MYO18B: variants seen among roughly 807,000 people sequenced by gnomAD.
MYO18B encodes the protein myosin XVIIIB, also known as unconventional myosin-XVIIIb.
A neutral mutation model predicts 273.0 loss-of-function variants in MYO18B; 204 were observed. That is an observed-to-expected ratio of 0.75 (90% CI 0.67 to 0.84). The LOEUF (loss-of-function observed/expected upper bound fraction) is 0.84, where lower values mean the gene tolerates loss of function less well. MYO18B is among the 40% of genes least tolerant of loss of function. The probability of loss-of-function intolerance (pLI) is 0.00; values close to 1 mark genes in which losing one functional copy is unlikely to be tolerated. For synonymous variants in MYO18B, 1,330 were observed against 1,305.7 expected, an observed-to-expected ratio of 1.02 and a Z score of -0.40; for missense variants, 3,212 against 3,287.6, an observed-to-expected ratio of 0.98 and a Z score of 0.56.
chr22:25,905,067 T>C (rs1017410256), intron 31 of MYO18B, among the ~76,000 whole-genome samples: 1 of 151,288 alleles, frequency 6.6e-6, no homozygotes, highest in Non-Finnish European at 1.5e-5. Context: ...AAAAAAATGC[T>C]GAGGCCACCG....
At chr22:25,987,605 A>G (rs998735927) in intron 39 of MYO18B, among the ~76,000 whole-genome samples, 1 of 152,142 alleles carries the variant, frequency 6.6e-6, no homozygotes, top group African/African-American at 2.4e-5. Context: ...CCAAACATGT[A>G]TTGAGTACCT....
chr22:25,845,539 C>G (rs2090215277), intron 18 of MYO18B, among the ~76,000 whole-genome samples: 1 of 152,080 alleles, frequency 6.6e-6, no homozygotes, highest in African/African-American at 2.4e-5. Flanking sequence ...ACAACAACAA[C>G]AAAAACGAAA....
intron 39 of MYO18B, among the ~76,000 whole-genome samples, chr22:25,975,010 C>A (rs554340950): frequency 6.6e-6 from 1 of 152,136 alleles, no homozygotes; most frequent in Non-Finnish European, 1.5e-5. Flanking sequence ...GGAATCAATG[C>A]CTGGCTTCCA....
intron 15 of MYO18B, among the ~76,000 whole-genome samples, chr22:25,832,389 T>G (rs910742603): frequency 6.6e-6 from 1 of 151,952 alleles, no homozygotes; most frequent in African/African-American, 2.4e-5. Flanking sequence ...ACAAGCAAAA[T>G]GAGATACGCA....
At chr22:25,983,194 C>A (rs983352951) in intron 39 of MYO18B, 3 of 152,026 alleles carry the variant, frequency 2.0e-5, no homozygotes, top group Non-Finnish European at 2.9e-5. Context: ...CATAGTGAGA[C>A]CCCATCTCTA....
chr22:25,922,769 G>A (rs1277129580), intron 34 of MYO18B, among the ~76,000 whole-genome samples: 1 of 152,146 alleles, frequency 6.6e-6, no homozygotes, highest in Non-Finnish European at 1.5e-5. Flanking sequence ...GCAGACTATA[G>A]CGCCAAGGGT....
At position 25,950,550 on chromosome 22, in the gene MYO18B, G is replaced by GTGTGTGTA. The variant is rs539614518; in HGVS notation, c.5832+101_5832+102insGTGTGTAT. 52 of 740,622 alleles carry GTGTGTGTA rather than the reference G, an allele frequency of 7.0e-5. No homozygotes were observed. In the African/African-American group the frequency reaches 7.5e-4, roughly 11 times the overall value. 45.9% of individuals were successfully genotyped at this position (740,622 alleles called of 1,614,324 possible). On this transcript the variant is annotated intron_variant, in intron 37 of 43. Coordinates refer to ENST00000335473, the MANE Select transcript of MYO18B (RefSeq NM_032608.7). ...TGTGTGTGTGTGTGTGTGTGTGTGT[G>GTGTGTGTA]TATGAGTTTATTGTTTGTTTATTTG...
intron 39 of MYO18B, among the ~76,000 whole-genome samples, chr22:25,969,966 TATC>T (rs1380115761): frequency 3.3e-5 from 5 of 151,886 alleles, no homozygotes; most frequent in African/African-American, 2.4e-5. Flanking sequence ...ATCATTGCCA[TATC>T]ATCTTCTTCA....
At chr22:25,969,541 G>A (rs1327301708) in intron 39 of MYO18B, among the ~76,000 whole-genome samples, 3 of 152,152 alleles carry the variant, frequency 2.0e-5, no homozygotes, top group Non-Finnish European at 4.4e-5. Flanking sequence ...CAGCAGAGAG[G>A]AGTATTTGTG....
At chr22:25,827,405 G>A (rs2089534160) in intron 14 of MYO18B, among the ~76,000 whole-genome samples, 2 of 152,310 alleles carry the variant, frequency 1.3e-5, no homozygotes, top group South Asian at 4.1e-4. Context: ...TGCCTCTGAT[G>A]TGTGTCTGCG....
At position 25,955,451 on chromosome 22, in the gene MYO18B, A is replaced by G. The variant is rs923378428; in HGVS notation, c.6156+87A>G. 2.9e-5 allele frequency: 41 copies of G among 1,407,888 alleles called. No homozygotes were observed. In the African/African-American group the frequency reaches 5.4e-4, roughly 19 times the overall value. 87.2% of individuals were successfully genotyped at this position (1,407,888 alleles called of 1,614,324 possible). The stretch of plus-strand genomic sequence containing the variant: ...CTTTCTTAAGACTTCTGAATGGGAG[A>G]CTCATAGGTTTGGGTCCTGGGCCTC... On this transcript the variant is annotated intron_variant, in intron 39 of 43. Transcript: ENST00000335473.
At chr22:25,837,392 G>A (rs2089938377) in intron 17 of MYO18B, among the ~76,000 whole-genome samples, 1 of 152,228 alleles carries the variant, frequency 6.6e-6, no homozygotes, top group African/African-American at 2.4e-5. Context: ...CTCCCTGGAA[G>A]CCACAGGAGG....
In MYO18B at chr22:25,947,740, T is replaced by A. The variant is rs1237240417; in HGVS notation, c.5660T>A (p.Phe1887Tyr). ...GATGAGCAGCTGTACAGGCTGCAGT[T>A]TGAGAAGGCGGACCTCCTGAAGCGC... ...LVDEQLYRLQ[F>Y]EKADLLKRID... Residue 1887 changes from phenylalanine (F) to tyrosine (Y), a missense_variant, in exon 36 of 44, where the codon TTT becomes TAT. Transcript: ENST00000335473. The A allele has an allele frequency of 1.2e-6, 2 of 1,613,550 alleles. No individual in the cohort carries two copies. Among genetic ancestry groups the A allele is most frequent in the African/African-American group, 2.7e-5 (2 of 74,886 alleles).
chr22:25,799,514 C>T (rs17625580), intron 12 of MYO18B, among the ~76,000 whole-genome samples: 10,230 of 152,134 alleles, frequency 0.067, 484 homozygotes, highest in Non-Finnish European at 0.1. Flanking sequence ...TCCTTTGGGC[C>T]CAGAGCATAG....
At chr22:25,753,773 G>T (rs893491337) in intron 1 of MYO18B, among the ~76,000 whole-genome samples, 18 of 152,118 alleles carry the variant, frequency 1.2e-4, no homozygotes, top group African/African-American at 4.1e-4. Context: ...CAGTGAGACC[G>T]CGAACCCATG....
chr22:25,955,454 C>T (rs986713728), intron 39 of MYO18B, 90 bp downstream of exon 39: 3 of 1,395,342 alleles, frequency 2.2e-6, no homozygotes, highest in Non-Finnish European at 2.9e-6. Flanking sequence ...ATGGGAGACT[C>T]ATAGGTTTGG....
rs115613269 is a variant in MYO18B, at chr22:26,014,673, C to T, written c.6470+9818C>T. Among the ~76,000 whole-genome samples, 1,141 of 152,272 alleles carry T rather than the reference C, an allele frequency of 7.5e-3. 21 individuals carry two copies. Among genetic ancestry groups the T allele is most frequent in the African/African-American group, 0.026 (1,090 of 41,548 alleles). ...CATTTTTTTTTCCAATGTACACTTCCACCAACAGTGTATAAGCATTCGTTT... is the reference window on the plus strand; with the variant it reads ...CATTTTTTTTTCCAATGTACACTTCTACCAACAGTGTATAAGCATTCGTTT... On this transcript the variant is annotated intron_variant, in intron 42 of 43. Transcript: ENST00000335473.
At chr22:25,866,267 AG>A (rs2090882724) in intron 21 of MYO18B, among the ~76,000 whole-genome samples, 1 of 9,336 alleles carries the variant, frequency 1.1e-4, no homozygotes, top group African/African-American at 4.3e-4. Context: ...GGGTAGTATG[AG>A]GGTGGGTGGG....
rs1384204154 is a variant in MYO18B, at chr22:25,810,407, C to G, written c.2521+12310C>G. Among the ~76,000 whole-genome samples the G allele has an allele frequency of 2.7e-5, 3 of 111,270 alleles. No individual in the cohort carries two copies. The Admixed American group carries it at 3.0e-4, about 11-fold the overall frequency. 73.0% of individuals were successfully genotyped at this position (111,270 alleles called of 152,430 possible). A position where few individuals can be genotyped will look rare whatever the true frequency, so the allele number is the denominator to read the frequency against. On this transcript the variant is annotated intron_variant, in intron 12 of 43. Coordinates refer to ENST00000335473, the MANE Select transcript of MYO18B (RefSeq NM_032608.7). ...GCCACTGTGCCTGTCCTCCTTCAGG[C>G]TTTTTTTTTTTTTTAATAGGCTATA...
Sources: gnomAD v4.1 joint callset for allele counts (sites outside exome capture counted in the v4.1 genomes callset) on GRCh38, gnomAD v4.1.1 for gene constraint, MANE v1.5 for transcripts, NCBI Gene and HGNC (gene_info 2026-07-23, HGNC 2026-07-21) for gene names.